Variants in SRL observed in about 807,000 individuals in gnomAD.
SRL encodes sarcalumenin.
A neutral mutation model predicts 39.5 loss-of-function variants in SRL; 23 were observed. The observed-to-expected ratio is 0.58, with a 90% CI of 0.42 to 0.82. The LOEUF (loss-of-function observed/expected upper bound fraction) is 0.82. Among genes scored for constraint, SRL ranks in the 40% least tolerant of loss-of-function variants. SRL has a pLI of 0.00. For missense variants in SRL, 592 were observed against 607.8 expected (o/e 0.97, Z 0.27); for synonymous variants, 272 against 237.4 (o/e 1.15, Z -1.34).
chr16:4,192,716 T>G lies in SRL; in HGVS notation c.859A>C (p.Arg287=). 1 of 1,614,140 alleles carries G rather than the reference T, an allele frequency of 6.2e-7. No individual in the cohort carries two copies. The highest frequency in any genetic ancestry group is 8.5e-7 in the Non-Finnish European group (1 of 1,180,006). The part of the protein sequence containing the change: ...APLINVTEPP[R]VYVSSFWPQE... The stretch of plus-strand genomic sequence containing the variant: ...GGCCAGAAGGAGCTGACGTAAACCC[T>G]TGGGGGCTCTGTGACATTGATGAGA... Residue 287 remains arginine, a synonymous_variant, in exon 6 of 6, where the codon AGG becomes CGG. Coordinates refer to ENST00000399609, the MANE Select transcript of SRL (RefSeq NM_001098814.2). This position sits in a 1 kb window ranked among gnomAD's most constrained non-coding sequence, Gnocchi z 4.0.
intron 1 of SRL, chr16:4,207,906 G>T: frequency 2.2e-6 from 1 of 456,730 alleles, no homozygotes; most frequent in South Asian, 1.5e-5. Context: ...GCCCGCGCTG[G>T]CGGCAGACGC....
chr16:4,200,178 G>A (rs1346988046), intron 3 of SRL, among the ~76,000 whole-genome samples: 1 of 152,176 alleles, frequency 6.6e-6, no homozygotes, highest in Admixed American at 6.5e-5. Flanking sequence ...CCCTGTCTGT[G>A]AATACACAGG....
Position 4,203,266 on chromosome 16 carries a change from A to T in SRL, c.164-5T>A, listed in dbSNP as rs769990365. 6.2e-7 allele frequency: 1 copy of T among 1,613,684 alleles called. No homozygotes were observed. The highest frequency in any genetic ancestry group is 8.5e-7 in the Non-Finnish European group (1 of 1,179,606). ...TCCGAAGCCGCTGCAGCACCGCTGG[A>T]GACAGAGAGGGCCGGGGGAAGAGCA... On this transcript the variant is annotated splice_region_variant and splice_polypyrimidine_tract_variant and intron_variant, in intron 2 of 5. Coordinates refer to ENST00000399609, the MANE Select transcript of SRL (RefSeq NM_001098814.2).
At chr16:4,208,365 G>A (rs1020530279) in intron 1 of SRL, among the ~76,000 whole-genome samples, 6 of 152,212 alleles carry the variant, frequency 3.9e-5, no homozygotes, top group African/African-American at 1.4e-4. Context: ...AACGAAGTGA[G>A]CAGCTGTGCT....
rs553311969 is a variant in SRL, at chr16:4,229,925, G to T, written c.61+12082C>A. 1.3e-4 allele frequency among the ~76,000 whole-genome samples: 20 copies of T among 152,220 alleles called. No individual in the cohort carries two copies. The East Asian group carries it at 3.9e-3, about 29-fold the overall frequency. On this transcript the variant is annotated intron_variant, in intron 1 of 5. Coordinates refer to ENST00000399609, the MANE Select transcript of SRL (RefSeq NM_001098814.2). Reference sequence around the variant, plus strand: ...CGTGCTGGGGCCTCGTGCAGAAGAAGAGCTGGGCCTCAGGTCACAGAGTAA... The same window carrying T: ...CGTGCTGGGGCCTCGTGCAGAAGAATAGCTGGGCCTCAGGTCACAGAGTAA...
intron 1 of SRL, among the ~76,000 whole-genome samples, chr16:4,214,269 A>G (rs1024419239): frequency 6.6e-6 from 1 of 152,248 alleles, no homozygotes; most frequent in Non-Finnish European, 1.5e-5. Flanking sequence ...TCCTTAGCAC[A>G]TGTTTATAAC....
chr16:4,227,159 T>C (rs938763158), intron 1 of SRL, among the ~76,000 whole-genome samples: 2 of 148,114 alleles, frequency 1.4e-5, no homozygotes, highest in East Asian at 4.1e-4. Context: ...GGATGGTGGA[T>C]GAATGGAAGG....
At position 4,192,827 on chromosome 16, in the gene SRL, T is replaced by C. The variant is rs1395402145; in HGVS notation, c.748A>G (p.Ile250Val). Residue 250 changes from isoleucine (I) to valine (V), a missense_variant, in exon 6 of 6, where the codon ATA becomes GTA. By Grantham distance (29) the Ile-to-Val change is conservative. Transcript: ENST00000399609. The surrounding 1 kb of genome is among the most constrained non-coding windows in gnomAD (Gnocchi z 4.0). ...TCAGCCTTGTTCAGGATGATCCTTATCTGGGATTCACGCCCCTTCAACTGG... is the reference window on the plus strand; with the variant it reads ...TCAGCCTTGTTCAGGATGATCCTTACCTGGGATTCACGCCCCTTCAACTGG... ...FRQLKGRESQ[I>V]RIILNKADNL... 4.3e-6 allele frequency: 7 copies of C among 1,614,178 alleles called. No homozygotes were observed. The highest frequency in any genetic ancestry group is 5.9e-6 in the Non-Finnish European group (7 of 1,180,046).
intron 1 of SRL, among the ~76,000 whole-genome samples, chr16:4,233,190 G>C (rs1000683539): frequency 6.6e-6 from 1 of 152,148 alleles, no homozygotes; most frequent in African/African-American, 2.4e-5. Context: ...ACTCATCAGG[G>C]TGGCCTAATC....
intron 1 of SRL, among the ~76,000 whole-genome samples, chr16:4,211,740 T>G (rs1202737758): frequency 6.6e-6 from 1 of 151,630 alleles, no homozygotes; most frequent in Non-Finnish European, 1.5e-5. Context: ...ATGATGAGGA[T>G]CGTGATGATG....
intron 1 of SRL, among the ~76,000 whole-genome samples, chr16:4,237,953 T>C (rs2052730764): frequency 6.6e-6 from 1 of 152,130 alleles, no homozygotes; most frequent in Non-Finnish European, 1.5e-5. Flanking sequence ...TAGATTCAGC[T>C]ACGTGCAAGG....
intron 5 of SRL, among the ~76,000 whole-genome samples, chr16:4,193,652 C>T (rs1264029176): frequency 6.6e-6 from 1 of 152,144 alleles, no homozygotes; most frequent in East Asian, 1.9e-4. Flanking sequence ...TAAAGATTAC[C>T]ATGTTGCTGT....
Position 4,201,580 on chromosome 16 carries a change from G to A in SRL, c.259+1586C>T, listed in dbSNP as rs1278759105. 2.9e-5 allele frequency among the ~76,000 whole-genome samples: 4 copies of A among 136,326 alleles called. 1 individual carries two copies. The highest frequency in any genetic ancestry group is 6.2e-5 in the Non-Finnish European group (4 of 64,146). 89.4% of individuals were successfully genotyped at this position (136,326 alleles called of 152,430 possible). ...GTGTGAGCCACTGTGCCCGGCCATC[G>A]GATTGTTTTTAAAAGTGCTATGAGC... is the stretch of plus-strand genomic sequence containing the variant. On this transcript the variant is annotated intron_variant, in intron 3 of 5. Transcript: ENST00000399609.
chr16:4,214,564 G>A (rs770553937), intron 1 of SRL, among the ~76,000 whole-genome samples: 1 of 152,034 alleles, frequency 6.6e-6, no homozygotes, highest in South Asian at 2.1e-4. Context: ...CTCATTGGCT[G>A]TATATTAAGT....
intron 3 of SRL, among the ~76,000 whole-genome samples, chr16:4,202,813 G>A (rs2052254823): frequency 6.6e-6 from 1 of 152,134 alleles, no homozygotes; most frequent in African/African-American, 2.4e-5. Flanking sequence ...GAGTAGACAG[G>A]GGGCACCTGT....
At chr16:4,235,249 A>G (rs1399960287) in intron 1 of SRL, among the ~76,000 whole-genome samples, 1 of 152,242 alleles carries the variant, frequency 6.6e-6, no homozygotes. Flanking sequence ...GGGAGAGAAC[A>G]GAAGCCAGCC....
At chr16:4,221,049 C>CGTT (rs1567185535) in intron 1 of SRL, among the ~76,000 whole-genome samples, 1 of 142,392 alleles carries the variant, frequency 7.0e-6, no homozygotes. Context: ...TGGGCTATTC[C>CGTT]ATTATTTTTT....
chr16:4,198,019 TG>T, intron 3 of SRL, 104 bp from the exon 4 acceptor site: 1 of 800,032 alleles, frequency 1.2e-6, no homozygotes, highest in Non-Finnish European at 2.2e-6. Flanking sequence ...AACTGAGTTG[TG>T]GAATTCTCCA....
chr16:4,217,493 C>A (rs972439877), intron 1 of SRL, among the ~76,000 whole-genome samples: 1 of 152,202 alleles, frequency 6.6e-6, no homozygotes. Context: ...CTCAAGCGAT[C>A]CTCCAGCCTT....
Sources: gnomAD v4.1 joint callset for allele counts (sites outside exome capture counted in the v4.1 genomes callset) on GRCh38, gnomAD v4.1.1 for gene constraint, Gnocchi (gnomAD v3.1) non-coding constraint, MANE v1.5 for transcripts, NCBI Gene and HGNC (gene_info 2026-07-23, HGNC 2026-07-21) for gene names.